The following EPCIP variants were observed in gnomAD, a reference collection of about 807,000 sequenced individuals.
EPCIP encodes the protein exosomal polycystin-1-interacting protein.
At chr21:32,802,176 T>C in the EPCIP span, among the ~76,000 whole-genome samples, 1 of 152,298 alleles carries the variant, frequency 6.6e-6, no homozygotes, top group South Asian at 2.1e-4. Context: ...CATCAATAAA[T>C]GATTTTAAAA....
chr21:32,806,780 A>T, the EPCIP span, among the ~76,000 whole-genome samples: 1 of 152,152 alleles, frequency 6.6e-6, no homozygotes, highest in Non-Finnish European at 1.5e-5. Context: ...TGCTGCCTGG[A>T]TGCGGGGCTT....
chr21:32,813,636 C>A, the EPCIP span: 1 of 471,128 alleles, frequency 2.1e-6, no homozygotes, highest in African/African-American at 2.0e-5. Context: ...ACTCCACAGA[C>A]CTCTGCCTGG....
chr21:32,794,469 A>C, the EPCIP span: 1 of 1,556,458 alleles, frequency 6.4e-7, no homozygotes, highest in Admixed American at 1.8e-5. Context: ...TTTTTGAACC[A>C]ATTTGTTGGA....
At chr21:32,790,893 A>G in the EPCIP span, 8 of 152,244 alleles carry the variant, frequency 5.3e-5, no homozygotes, top group African/African-American at 9.6e-5. Flanking sequence ...CAAACAAAAA[A>G]GCTGAATGGC....
the EPCIP span, among the ~76,000 whole-genome samples, chr21:32,800,828 A>C: frequency 5.3e-5 from 8 of 149,802 alleles, no homozygotes; most frequent in South Asian, 2.1e-4. Context: ...AAAACCAAAA[A>C]AAAAAAAAAC....
the EPCIP span, among the ~76,000 whole-genome samples, chr21:32,794,927 A>G: frequency 1.3e-5 from 2 of 152,148 alleles, no homozygotes; most frequent in Admixed American, 6.5e-5. Flanking sequence ...TCAATATCTG[A>G]CTTCCTGGAA....
the EPCIP span, among the ~76,000 whole-genome samples, chr21:32,808,120 T>C: frequency 1.3e-5 from 2 of 152,216 alleles, no homozygotes; most frequent in East Asian, 3.8e-4. Flanking sequence ...TTGCTCTTGG[T>C]TGAGAGATTA....
At chr21:32,813,644 TGG>T in the EPCIP span, 31 of 471,142 alleles carry the variant, frequency 6.6e-5, no homozygotes, top group African/African-American at 6.2e-4. Flanking sequence ...GACCTCTGCC[TGG>T]CCACGGATCC....
the EPCIP span, among the ~76,000 whole-genome samples, chr21:32,792,482 A>G: frequency 6.6e-5 from 10 of 152,324 alleles, no homozygotes; most frequent in South Asian, 1.9e-3. Flanking sequence ...GTAGTTAAAC[A>G]TAGCTTGAAT....
At chr21:32,798,983 A>C in the EPCIP span, 4 of 152,168 alleles carry the variant, frequency 2.6e-5, no homozygotes, top group Non-Finnish European at 5.9e-5. Context: ...AATAATAATA[A>C]TAATGAAATA....
At chr21:32,808,619 A>G in the EPCIP span, among the ~76,000 whole-genome samples, 1 of 152,200 alleles carries the variant, frequency 6.6e-6, no homozygotes, top group African/African-American at 2.4e-5. Context: ...GCTTCCTGGG[A>G]ATGATGACTA....
chr21:32,794,834 G>T, the EPCIP span, among the ~76,000 whole-genome samples: 6 of 152,234 alleles, frequency 3.9e-5, no homozygotes, highest in African/African-American at 1.4e-4. Flanking sequence ...GGGATTTGGA[G>T]TTGAAAGAGC....
At chr21:32,805,267 A>G in the EPCIP span, among the ~76,000 whole-genome samples, 1 of 152,220 alleles carries the variant, frequency 6.6e-6, no homozygotes, top group Non-Finnish European at 1.5e-5. Flanking sequence ...ACACCCTCAC[A>G]GTAGCCTGGT....
At chr21:32,806,950 A>G in the EPCIP span, among the ~76,000 whole-genome samples, 5 of 152,326 alleles carry the variant, frequency 3.3e-5, no homozygotes, top group African/African-American at 1.2e-4. Flanking sequence ...CGTGTCTCAC[A>G]TGGTGGCAGA....
At chr21:32,792,889 G>C in the EPCIP span, among the ~76,000 whole-genome samples, 1 of 150,402 alleles carries the variant, frequency 6.6e-6, no homozygotes, top group African/African-American at 2.4e-5. Context: ...ATCAGTTTAA[G>C]AGAACCTAAT....
chr21:32,803,227 T>C, the EPCIP span, among the ~76,000 whole-genome samples: 1 of 152,218 alleles, frequency 6.6e-6, no homozygotes. Context: ...CTGATACCAG[T>C]TGGTTAGGCC....
chr21:32,799,325 A>G, the EPCIP span, among the ~76,000 whole-genome samples: 1 of 152,178 alleles, frequency 6.6e-6, no homozygotes, highest in Non-Finnish European at 1.5e-5. Context: ...TTTGTGGGAT[A>G]TATTCAGATT....
the EPCIP span, chr21:32,797,183 A>T: frequency 3.1e-6 from 1 of 320,220 alleles, no homozygotes; most frequent in East Asian, 9.5e-5. Context: ...AGTGGGGCAA[A>T]TACCCCTGGT....
the EPCIP span, chr21:32,794,004 A>G: frequency 1.2e-6 from 2 of 1,614,194 alleles, no homozygotes; most frequent in Non-Finnish European, 1.7e-6. Flanking sequence ...TGGATGAGTA[A>G]GCTCTGCTCT....
Sources: allele counts gnomAD v4.1 joint callset (sites outside exome capture counted in the v4.1 genomes callset), GRCh38; gene constraint gnomAD v4.1.1; transcripts MANE v1.5; gene names NCBI Gene and HGNC (gene_info 2026-07-23, HGNC 2026-07-21).